The following AXIN2 variants were observed in gnomAD, a reference collection of about 807,000 sequenced individuals.
The protein encoded by AXIN2 is axin 2.
Under a neutral mutation model 74.7 loss-of-function variants are expected in AXIN2, and 21 were observed. The ratio of observed to expected loss-of-function variants is 0.28; its 90% CI spans 0.20 to 0.40. The LOEUF (loss-of-function observed/expected upper bound fraction) is 0.40, where lower values mean the gene tolerates loss of function less well. Among genes scored for constraint, AXIN2 ranks in the 10% least tolerant of loss-of-function variants. The pLI is 1.00. For missense variants in AXIN2, 1,144 were observed against 1,111.1 expected, an observed-to-expected ratio of 1.03 and a Z score of -0.42; for synonymous variants, 532 against 454.9, an observed-to-expected ratio of 1.17 and a Z score of -2.16.
At chr17:65,554,866 C>T (rs1390871063) in intron 2 of AXIN2, among the ~76,000 whole-genome samples, 7 of 152,216 alleles carry the variant, frequency 4.6e-5, no homozygotes, top group Non-Finnish European at 1.5e-5. Context: ...AAATGCTGGG[C>T]CCAGTGCCCA....
intron 2 of AXIN2, among the ~76,000 whole-genome samples, chr17:65,550,879 T>G (rs2044181769): frequency 6.6e-6 from 1 of 152,034 alleles, no homozygotes; most frequent in African/African-American, 2.4e-5. Flanking sequence ...GGGGGTGTCA[T>G]GAGGGAGGTA....
intron 2 of AXIN2, among the ~76,000 whole-genome samples, chr17:65,554,905 CGACACT>C (rs1211648737): frequency 7.2e-5 from 11 of 152,264 alleles, no homozygotes; most frequent in African/African-American, 2.6e-4. Flanking sequence ...GCACACACCT[CGACACT>C]GTGCGTGTGT....
At chr17:65,549,769 C>A in intron 2 of AXIN2, 109 bp from the exon 3 acceptor site, 1 of 1,387,384 alleles carries the variant, frequency 7.2e-7, no homozygotes, top group Non-Finnish European at 9.9e-7. Context: ...TGCTCAACGC[C>A]AACCTGCTGC....
At chr17:65,537,890 G>T in intron 5 of AXIN2, 55 bp from the exon 6 acceptor site, 1 of 1,496,958 alleles carries the variant, frequency 6.7e-7, no homozygotes. Context: ...AGGGCCAGAG[G>T]CCCTGGGGTT....
chr17:65,537,105 TA>T (rs2043938576), intron 6 of AXIN2, 42 bp from the exon 7 acceptor site: 3 of 1,583,420 alleles, frequency 1.9e-6, no homozygotes, highest in Non-Finnish European at 2.6e-6. Context: ...GAGACCCGGT[TA>T]AATCTCCGGG....
At chr17:65,546,578 G>A (rs1356625157) in intron 3 of AXIN2, among the ~76,000 whole-genome samples, 1 of 152,194 alleles carries the variant, frequency 6.6e-6, no homozygotes, top group Non-Finnish European at 1.5e-5. Context: ...TTTCTAGTGA[G>A]CCCCACTAGA....
intron 9 of AXIN2, among the ~76,000 whole-genome samples, chr17:65,534,666 C>A (rs911445363): frequency 2.6e-5 from 4 of 152,096 alleles, no homozygotes; most frequent in African/African-American, 9.7e-5. Context: ...TGGTGGCTCA[C>A]GCCTGTAATC....
At chr17:65,544,210 C>A (rs1447185748) in intron 3 of AXIN2, among the ~76,000 whole-genome samples, 1 of 151,916 alleles carries the variant, frequency 6.6e-6, no homozygotes, top group Admixed American at 6.6e-5. Context: ...TTCCTTCTCC[C>A]AGATGAAAGT....
At chr17:65,536,262 C>A in intron 8 of AXIN2, 58 bp downstream of exon 8, 1 of 1,519,874 alleles carries the variant, frequency 6.6e-7, no homozygotes, top group African/African-American at 1.4e-5. Context: ...AGCCACAGAC[C>A]AGGTCTCCAC....
At chr17:65,553,204 C>T (rs561685500) in intron 2 of AXIN2, among the ~76,000 whole-genome samples, 7 of 152,292 alleles carry the variant, frequency 4.6e-5, no homozygotes, top group South Asian at 2.1e-4. Context: ...TGTCCTCACA[C>T]GAATCTCCGA....
chr17:65,533,008 G>C (rs988152758), intron 10 of AXIN2, among the ~76,000 whole-genome samples: 2 of 152,236 alleles, frequency 1.3e-5, no homozygotes, highest in African/African-American at 4.8e-5. Context: ...GCCATGGAGA[G>C]GGGCAAGGGA....
Position 65,537,084 on chromosome 17 carries a change from C to T in AXIN2, c.1713-21G>A, listed in dbSNP as rs755680308. The T allele has an allele frequency of 9.1e-5, 145 of 1,595,872 alleles. No homozygotes were observed. The highest frequency in any genetic ancestry group is 1.2e-4 in the Admixed American group (7 of 58,068). ...TGCCGCTGTGGGGAACCAAGAACCA[C>T]ACCCAACCCAGAGACCCGGTTAAAT... On this transcript the variant is annotated intron_variant, in intron 6 of 10. Transcript: ENST00000307078.
At chr17:65,533,316 T>A (rs2043855019) in intron 10 of AXIN2, among the ~76,000 whole-genome samples, 1 of 152,018 alleles carries the variant, frequency 6.6e-6, no homozygotes, top group African/African-American at 2.4e-5. Context: ...TCCAGCCCCT[T>A]CTTTGTTATG....
intron 4 of AXIN2, among the ~76,000 whole-genome samples, chr17:65,539,852 C>G (rs1281260486): frequency 6.6e-6 from 1 of 152,222 alleles, no homozygotes; most frequent in Non-Finnish European, 1.5e-5. Flanking sequence ...GGATCTGAGG[C>G]TGTTGTAAAC....
At chr17:65,555,290 G>A (rs376438059) in intron 2 of AXIN2, among the ~76,000 whole-genome samples, 2 of 152,238 alleles carry the variant, frequency 1.3e-5, no homozygotes, top group African/African-American at 4.8e-5. Context: ...AACTTATTAA[G>A]CCCATCCCAG....
At chr17:65,534,349 A>AC (rs2043873987) in intron 9 of AXIN2, among the ~76,000 whole-genome samples, 1 of 152,160 alleles carries the variant, frequency 6.6e-6, no homozygotes, top group Admixed American at 6.5e-5. Flanking sequence ...CATTTCCCCC[A>AC]CCGCCACCAA....
chr17:65,532,897 C>G (rs2043847882), intron 10 of AXIN2, among the ~76,000 whole-genome samples: 1 of 152,164 alleles, frequency 6.6e-6, no homozygotes, highest in Non-Finnish European at 1.5e-5. Context: ...CCTCCTTAAA[C>G]TAGGGTGCCC....
chr17:65,541,398 T>A, intron 4 of AXIN2, 57 bp downstream of exon 4: 2 of 1,482,160 alleles, frequency 1.3e-6, no homozygotes, highest in Non-Finnish European at 1.9e-6. Flanking sequence ...CCATTTCTTT[T>A]CTTTAGGACT....
At chr17:65,540,080 C>G (rs2044018014) in intron 4 of AXIN2, among the ~76,000 whole-genome samples, 1 of 152,246 alleles carries the variant, frequency 6.6e-6, no homozygotes. Flanking sequence ...GGTACCAAGC[C>G]AAGTTCTGGA....
Sources: gnomAD v4.1 joint callset for allele counts (sites outside exome capture counted in the v4.1 genomes callset) on GRCh38, gnomAD v4.1.1 for gene constraint, MANE v1.5 for transcripts, NCBI Gene and HGNC (gene_info 2026-07-23, HGNC 2026-07-21) for gene names.